Variants in MCC observed in about 807,000 individuals in gnomAD.
The protein encoded by MCC is MCC regulator of Wnt signaling pathway, also known as colorectal mutant cancer protein.
Under a neutral mutation model 116.2 loss-of-function variants are expected in MCC, and 90 were observed. The ratio of observed to expected loss-of-function variants is 0.77; its 90% CI spans 0.65 to 0.92. The LOEUF (loss-of-function observed/expected upper bound fraction) is 0.92, where lower values mean the gene tolerates loss of function less well. Ranked by LOEUF, MCC falls within the 40% of genes least tolerant of loss-of-function variation. The pLI is 0.00. For synonymous variants in MCC, 578 were observed against 510.5 expected, an observed-to-expected ratio of 1.13 and a Z score of -1.78; for missense variants, 1,516 against 1,312.2, an observed-to-expected ratio of 1.16 and a Z score of -2.40.
intron 3 of MCC, 63 bp from the exon 4 acceptor site, chr5:113,151,485 T>C (rs762856149): frequency 8.3e-6 from 7 of 846,336 alleles, no homozygotes; most frequent in Non-Finnish European, 1.2e-5. Flanking sequence ...TTCCCTTCAT[T>C]CCCGCAACTA....
At chr5:113,356,058 G>C (rs1041986172) in intron 2 of MCC, among the ~76,000 whole-genome samples, 1 of 84,534 alleles carries the variant, frequency 1.2e-5, no homozygotes. Flanking sequence ...TGACAGGCAA[G>C]GTGTATTTTT....
In MCC at chr5:113,082,917, G is replaced by C; in HGVS notation, c.1727C>G (p.Ser576Cys). Residue 576 changes from serine (S) to cysteine (C), a missense_variant, in exon 11 of 19, where the codon TCT becomes TGT. Coordinates refer to ENST00000408903, the MANE Select transcript of MCC (RefSeq NM_001085377.2). ...EIFQTLYSHG[S>C]AISESKIREF... ...TCTAATCTTGCTTTCTGAGATGGCAGATCCGTGTGAGTAGAGTGTTTGGAA... is the reference window on the plus strand; with the variant it reads ...TCTAATCTTGCTTTCTGAGATGGCACATCCGTGTGAGTAGAGTGTTTGGAA... 1.2e-6 allele frequency: 2 copies of C among 1,614,222 alleles called. No individual in the cohort carries two copies. Among genetic ancestry groups the C allele is most frequent in the Non-Finnish European group, 1.7e-6 (2 of 1,180,036 alleles).
At chr5:113,195,033 A>T (rs1263393541) in intron 3 of MCC, among the ~76,000 whole-genome samples, 1 of 152,214 alleles carries the variant, frequency 6.6e-6, no homozygotes, top group Non-Finnish European at 1.5e-5. Flanking sequence ...AGAAGCATCC[A>T]TGCCCATTTC....
At chr5:113,375,204 A>ATT (rs367751047) in intron 2 of MCC, among the ~76,000 whole-genome samples, 11 of 147,910 alleles carry the variant, frequency 7.4e-5, no homozygotes, top group African/African-American at 2.7e-4. Context: ...ACATTGTTCC[A>ATT]TTTTTTTTTT....
At chr5:113,416,966 TGCC>T (rs1015242228) in intron 1 of MCC, among the ~76,000 whole-genome samples, 2 of 146,270 alleles carry the variant, frequency 1.4e-5, no homozygotes, top group African/African-American at 5.3e-5. Flanking sequence ...CCATGTGAAT[TGCC>T]TTTTTTTTTT....
chr5:113,045,319 A>G (rs1580913063), intron 16 of MCC, among the ~76,000 whole-genome samples: 1 of 151,508 alleles, frequency 6.6e-6, no homozygotes, highest in African/African-American at 2.4e-5. Context: ...TTAAAGAAGC[A>G]TAAGCACCCA....
intron 11 of MCC, among the ~76,000 whole-genome samples, chr5:113,078,079 C>T (rs943107977): frequency 6.6e-6 from 1 of 152,200 alleles, no homozygotes; most frequent in South Asian, 2.1e-4. Context: ...TTCCTGGACA[C>T]ATACACCTTC....
At chr5:113,447,069 A>G (rs1771242425) in intron 1 of MCC, among the ~76,000 whole-genome samples, 1 of 152,134 alleles carries the variant, frequency 6.6e-6, no homozygotes, top group African/African-American at 2.4e-5. Flanking sequence ...GGTTATCTGC[A>G]CACGTGTGGG....
At position 113,434,135 on chromosome 5, in the gene MCC, G is replaced by C; in HGVS notation, c.171-48923C>G. 6.2e-7 allele frequency: 1 copy of C among 1,614,206 alleles called. No individual in the cohort carries two copies. Among genetic ancestry groups the C allele is most frequent in the Non-Finnish European group, 8.5e-7 (1 of 1,180,020 alleles). ...CGCCTGTCAGGTGCTTGGAGCGTGG[G>C]AAGTTGACGCGGTGCTCCTTCTGGA... On this transcript the variant is annotated intron_variant, in intron 1 of 18. Transcript: ENST00000408903. This position sits in a 1 kb window ranked among gnomAD's most constrained non-coding sequence, Gnocchi z 4.2.
At chr5:113,088,683 C>T (rs902576437) in intron 8 of MCC, among the ~76,000 whole-genome samples, 5 of 151,896 alleles carry the variant, frequency 3.3e-5, no homozygotes, top group East Asian at 1.9e-4. Context: ...ATCAGAAGTT[C>T]GAAGAGGCAA....
intron 3 of MCC, among the ~76,000 whole-genome samples, chr5:113,192,059 C>A (rs1211594570): frequency 6.6e-6 from 1 of 152,160 alleles, no homozygotes; most frequent in East Asian, 1.9e-4. Flanking sequence ...TGTTTTCCCC[C>A]CACTACAGAA....
At chr5:113,204,254 C>G (rs1256641406) in intron 3 of MCC, among the ~76,000 whole-genome samples, 3 of 152,182 alleles carry the variant, frequency 2.0e-5, no homozygotes, top group African/African-American at 7.2e-5. Flanking sequence ...CTTTCTAGCA[C>G]TAAATGTGAA....
rs754249824 is a variant in MCC, at chr5:113,433,959, G to A, written c.171-48747C>T. On this transcript the variant is annotated intron_variant, in intron 1 of 18. Transcript: ENST00000408903. ...AGGTTCGGGGGTCCACAAGGGTTCAGTTCCCCGGGAACTCTCCCCCTCCTT... is the reference window on the plus strand; with the variant it reads ...AGGTTCGGGGGTCCACAAGGGTTCAATTCCCCGGGAACTCTCCCCCTCCTT... The A allele has an allele frequency of 1.9e-6, 3 of 1,614,018 alleles. No individual in the cohort carries two copies. In the East Asian group the frequency reaches 6.7e-5, roughly 36 times the overall value.
intron 8 of MCC, among the ~76,000 whole-genome samples, chr5:113,095,949 T>G (rs1053245616): frequency 6.6e-6 from 1 of 152,186 alleles, no homozygotes; most frequent in Non-Finnish European, 1.5e-5. Flanking sequence ...ATTTCCTTCA[T>G]GGGGTGAGCT....
intron 1 of MCC, among the ~76,000 whole-genome samples, chr5:113,408,270 G>T (rs906880932): frequency 6.6e-6 from 1 of 152,108 alleles, no homozygotes; most frequent in Non-Finnish European, 1.5e-5. Flanking sequence ...ATATAGTTTT[G>T]CCCTGTGTCT....
intron 14 of MCC, among the ~76,000 whole-genome samples, chr5:113,062,590 C>T (rs180776689): frequency 6.6e-6 from 1 of 152,304 alleles, no homozygotes; most frequent in East Asian, 1.9e-4. Context: ...TAAATAAACA[C>T]ACAAATTATA....
chr5:113,103,302 C>T (rs1397520910), intron 7 of MCC, among the ~76,000 whole-genome samples: 1 of 152,184 alleles, frequency 6.6e-6, no homozygotes, highest in African/African-American at 2.4e-5. Context: ...CTTGGCTCTG[C>T]TCCAGACCCT....
intron 5 of MCC, among the ~76,000 whole-genome samples, chr5:113,134,950 T>C (rs1156454575): frequency 6.6e-5 from 10 of 150,878 alleles, no homozygotes; most frequent in Admixed American, 5.9e-4. Flanking sequence ...ACTTCTTTTT[T>C]TTTTTTTTTT....
intron 15 of MCC, among the ~76,000 whole-genome samples, chr5:113,050,664 G>A (rs749694502): frequency 6.6e-6 from 1 of 152,230 alleles, no homozygotes; most frequent in Admixed American, 6.5e-5. Context: ...GAAGGTTCTG[G>A]CAACACTGCA....
Sources: allele counts gnomAD v4.1 joint callset (sites outside exome capture counted in the v4.1 genomes callset), GRCh38; gene constraint gnomAD v4.1.1; non-coding constraint Gnocchi (gnomAD v3.1); transcripts MANE v1.5; gene names NCBI Gene and HGNC (gene_info 2026-07-23, HGNC 2026-07-21).